The following RPRD1A variants were observed in gnomAD, a reference collection of about 807,000 sequenced individuals.
The protein encoded by RPRD1A is regulation of nuclear pre-mRNA domain-containing protein 1A.
A neutral mutation model predicts 37.8 loss-of-function variants in RPRD1A; 9 were observed. The ratio of observed to expected loss-of-function variants is 0.24; its 90% CI spans 0.14 to 0.42. RPRD1A has a LOEUF of 0.42. Among genes scored for constraint, RPRD1A ranks in the 10% least tolerant of loss-of-function variants. RPRD1A has a pLI of 1.00. For missense variants in RPRD1A, 255 were observed against 371.0 expected, an observed-to-expected ratio of 0.69 and a Z score of 2.57; for synonymous variants, 138 against 139.7, an observed-to-expected ratio of 0.99 and a Z score of 0.08.
At chr18:35,994,120 T>C (rs1013588454) in intron 6 of RPRD1A, among the ~76,000 whole-genome samples, 7 of 152,138 alleles carry the variant, frequency 4.6e-5, no homozygotes, top group African/African-American at 1.7e-4. Flanking sequence ...ACTATACCCA[T>C]CTCAGTTCCA....
At chr18:36,039,671 TATC>T (rs936636466) in intron 1 of RPRD1A, among the ~76,000 whole-genome samples, 1 of 152,220 alleles carries the variant, frequency 6.6e-6, no homozygotes, top group African/African-American at 2.4e-5. Flanking sequence ...TGCTGCAAAA[TATC>T]ATAATCTAAA....
At chr18:36,065,793 C>G (rs1045238377) in intron 1 of RPRD1A, among the ~76,000 whole-genome samples, 8 of 152,162 alleles carry the variant, frequency 5.3e-5, no homozygotes, top group African/African-American at 1.9e-4. Context: ...CACTGGCTTA[C>G]TTTTTCCTGA....
intron 6 of RPRD1A, among the ~76,000 whole-genome samples, chr18:36,009,840 A>G (rs1910058470): frequency 6.6e-6 from 1 of 152,184 alleles, no homozygotes; most frequent in Admixed American, 6.5e-5. Flanking sequence ...TGATTAAGTT[A>G]AACAGCACAT....
intron 1 of RPRD1A, among the ~76,000 whole-genome samples, chr18:36,064,619 A>G (rs1824440830): frequency 6.6e-6 from 1 of 152,166 alleles, no homozygotes; most frequent in Admixed American, 6.5e-5. Context: ...CTAAAGGATC[A>G]TAAAACGCAC....
rs35894007 is a variant in RPRD1A at position 35,999,642 on chromosome 18, CAAAA to C, written c.790-6346_790-6343del. On this transcript the variant is annotated intron_variant, in intron 6 of 6. Coordinates refer to ENST00000399022, the MANE Select transcript of RPRD1A (RefSeq NM_018170.5). The stretch of plus-strand genomic sequence containing the variant: ...TTTTATCTTTCCTACATAATTGTGA[CAAAA>C]AAAAAAGAGAGAATTTCAACCACAT... Among the ~76,000 whole-genome samples, 3 of 144,930 alleles carry C rather than the reference CAAAA, an allele frequency of 2.1e-5. 1 individual carries two copies. Among genetic ancestry groups the C allele is most frequent in the South Asian group, 4.4e-4 (2 of 4,582 alleles).
At chr18:36,008,577 G>GTGTGTGTGTGTATATATATATATATA in intron 6 of RPRD1A, among the ~76,000 whole-genome samples, 2 of 47,802 alleles carry the variant, frequency 4.2e-5, no homozygotes, top group African/African-American at 6.8e-5. Flanking sequence ...CCTTGTGTGT[G>GTGTGTGTGTGTATATATATATATATA]TATATATATA....
At position 36,047,622 on chromosome 18, in the gene RPRD1A, A is replaced by G. The variant is rs898962660; in HGVS notation, c.152-13785T>C. 6.8e-4 allele frequency among the ~76,000 whole-genome samples: 104 copies of G among 152,228 alleles called. 2 individuals are homozygous for G. The highest frequency in any genetic ancestry group is 2.6e-4 in the Non-Finnish European group (18 of 68,044). The stretch of plus-strand genomic sequence containing the variant: ...AACAAGAGGGAAGCAAGAATTATCA[A>G]TATCAGGAATAAAACAGGATATCAC... On this transcript the variant is annotated intron_variant, in intron 1 of 6. Coordinates refer to ENST00000399022, the MANE Select transcript of RPRD1A (RefSeq NM_018170.5).
intron 6 of RPRD1A, among the ~76,000 whole-genome samples, chr18:35,994,024 C>A (rs1908872239): frequency 6.6e-6 from 1 of 152,172 alleles, no homozygotes; most frequent in African/African-American, 2.4e-5. Context: ...AAGAGGCAAG[C>A]CAAGACAACC....
At chr18:36,033,968 T>A in intron 1 of RPRD1A, 131 bp from the exon 2 acceptor site, 1 of 670,014 alleles carries the variant, frequency 1.5e-6, no homozygotes, top group Admixed American at 3.2e-5. Context: ...TCAACCCTAG[T>A]CTCTCATTTT....
intron 1 of RPRD1A, among the ~76,000 whole-genome samples, chr18:36,055,841 A>C (rs557825200): frequency 6.6e-6 from 1 of 152,286 alleles, no homozygotes; most frequent in East Asian, 1.9e-4. Context: ...ACAGTGCAAC[A>C]TGAGTGGACA....
chr18:36,004,550 G>A (rs1909622033), intron 6 of RPRD1A, among the ~76,000 whole-genome samples: 1 of 152,120 alleles, frequency 6.6e-6, no homozygotes, highest in South Asian at 2.1e-4. Context: ...CCGGCGCCCA[G>A]CCTCAGTATT....
At chr18:36,034,397 C>T (rs1208500270) in intron 1 of RPRD1A, among the ~76,000 whole-genome samples, 1 of 152,100 alleles carries the variant, frequency 6.6e-6, no homozygotes, top group East Asian at 1.9e-4. Context: ...AAATTTTAAA[C>T]TGAATTCATT....
chr18:36,005,988 A>C lies in RPRD1A; in HGVS notation c.790-12688T>G, dbSNP rs530360280. On this transcript the variant is annotated intron_variant, in intron 6 of 6. Transcript: ENST00000399022. ...ATTTTTTCAAATTTCCCTTAAAGAC[A>C]GTATGTTAACACTTCTGTGCCTCAC... 2.6e-5 allele frequency among the ~76,000 whole-genome samples: 4 copies of C among 152,346 alleles called. No individual in the cohort carries two copies. In the East Asian group the frequency reaches 7.7e-4, roughly 29 times the overall value.
intron 1 of RPRD1A, among the ~76,000 whole-genome samples, chr18:36,063,373 G>C (rs1182105843): frequency 3.9e-5 from 6 of 152,098 alleles, no homozygotes; most frequent in Non-Finnish European, 8.8e-5. Context: ...TTGCCATGTT[G>C]ACCACGCTGG....
At chr18:36,022,874 A>G (rs1911083631) in intron 6 of RPRD1A, among the ~76,000 whole-genome samples, 1 of 152,224 alleles carries the variant, frequency 6.6e-6, no homozygotes, top group South Asian at 2.1e-4. Flanking sequence ...AAGCAGGAAG[A>G]TAACTTGTAC....
chr18:36,060,247 C>T (rs978115397), intron 1 of RPRD1A, among the ~76,000 whole-genome samples: 2 of 151,908 alleles, frequency 1.3e-5, no homozygotes, highest in African/African-American at 4.8e-5. Flanking sequence ...CTGACTAACA[C>T]GGTAAAACCC....
chr18:36,049,690 AT>A (rs1470894320), intron 1 of RPRD1A, among the ~76,000 whole-genome samples: 2 of 152,170 alleles, frequency 1.3e-5, no homozygotes, highest in African/African-American at 2.4e-5. Context: ...TATACACTAC[AT>A]TATGTTTATT....
At chr18:36,016,915 C>CA (rs1272197826) in intron 6 of RPRD1A, among the ~76,000 whole-genome samples, 1 of 151,826 alleles carries the variant, frequency 6.6e-6, no homozygotes, top group Non-Finnish European at 1.5e-5. Context: ...TAAATCTTGC[C>CA]AAAAGGTATT....
At chr18:36,058,716 T>C (rs771081060) in intron 1 of RPRD1A, among the ~76,000 whole-genome samples, 5 of 152,202 alleles carry the variant, frequency 3.3e-5, no homozygotes, top group Non-Finnish European at 7.4e-5. Flanking sequence ...ATGGTCCACT[T>C]CTCAGCCAAC....
Sources: allele counts gnomAD v4.1 joint callset (sites outside exome capture counted in the v4.1 genomes callset), GRCh38; gene constraint gnomAD v4.1.1; transcripts MANE v1.5; gene names NCBI Gene and HGNC (gene_info 2026-07-23, HGNC 2026-07-21).